CNTNAP5: variants seen among roughly 807,000 people sequenced by gnomAD.
CNTNAP5 encodes the protein contactin associated protein family member 5.
A neutral mutation model predicts 150.2 loss-of-function variants in CNTNAP5; 72 were observed. The observed-to-expected ratio is 0.48, with a 90% CI of 0.40 to 0.58. CNTNAP5 has a LOEUF of 0.58. Ranked by LOEUF, CNTNAP5 falls within the 20% of genes least tolerant of loss-of-function variation. The pLI is 0.00. For synonymous variants in CNTNAP5, 672 were observed against 619.8 expected (o/e 1.08, Z -1.25); for missense variants, 1,636 against 1,626.2 (o/e 1.01, Z -0.10).
chr2:124,045,961 A>G (rs1456176392), intron 1 of CNTNAP5, among the ~76,000 whole-genome samples: 1 of 152,126 alleles, frequency 6.6e-6, no homozygotes, highest in African/African-American at 2.4e-5. Context: ...GCATATTTGC[A>G]TTTTTCTTGG....
At chr2:124,419,009 C>T (rs1255984842) in intron 4 of CNTNAP5, among the ~76,000 whole-genome samples, 1 of 149,522 alleles carries the variant, frequency 6.7e-6, no homozygotes, top group African/African-American at 2.5e-5. Flanking sequence ...TGGCGGGCGC[C>T]TGTAGTCCCA....
intron 19 of CNTNAP5, among the ~76,000 whole-genome samples, chr2:124,844,658 T>C (rs541013694): frequency 6.6e-6 from 1 of 152,262 alleles, no homozygotes; most frequent in South Asian, 2.1e-4. Flanking sequence ...CATTTGTTTC[T>C]GTTGTCTATG....
chr2:124,070,016 G>A (rs908185347), intron 1 of CNTNAP5, among the ~76,000 whole-genome samples: 1 of 152,138 alleles, frequency 6.6e-6, no homozygotes, highest in South Asian at 2.1e-4. Context: ...GATATAAAGA[G>A]AAACAATAAA....
chr2:124,553,290 G>A (rs990624788), intron 10 of CNTNAP5, among the ~76,000 whole-genome samples: 2 of 152,138 alleles, frequency 1.3e-5, no homozygotes, highest in African/African-American at 4.8e-5. Flanking sequence ...GATCTCCTGA[G>A]GTCAGGAGTT....
At chr2:124,767,649 A>C (rs910143502) in intron 16 of CNTNAP5, among the ~76,000 whole-genome samples, 20 of 152,240 alleles carry the variant, frequency 1.3e-4, no homozygotes, top group South Asian at 8.3e-4. Flanking sequence ...GGTTGGTGAC[A>C]TCCATATGCC....
chr2:124,664,894 C>T (rs1364639231), intron 13 of CNTNAP5, among the ~76,000 whole-genome samples: 1 of 152,166 alleles, frequency 6.6e-6, no homozygotes, highest in African/African-American at 2.4e-5. Context: ...ACCATGTTGG[C>T]CAGGCTGGTC....
chr2:124,411,077 T>C (rs1304006738), intron 3 of CNTNAP5, among the ~76,000 whole-genome samples: 1 of 152,122 alleles, frequency 6.6e-6, no homozygotes, highest in East Asian at 1.9e-4. Flanking sequence ...AAATACAAAC[T>C]ACCATCAGAG....
At chr2:124,631,278 G>A (rs1677854766) in intron 12 of CNTNAP5, among the ~76,000 whole-genome samples, 1 of 151,946 alleles carries the variant, frequency 6.6e-6, no homozygotes, top group Non-Finnish European at 1.5e-5. Flanking sequence ...ACAATCCTAA[G>A]CAAAAAGAAC....
At chr2:124,849,242 C>T (rs1395013649) in intron 19 of CNTNAP5, among the ~76,000 whole-genome samples, 1 of 152,088 alleles carries the variant, frequency 6.6e-6, no homozygotes, top group African/African-American at 2.4e-5. Flanking sequence ...TCCTTTTTTA[C>T]ATTGTGTATT....
chr2:124,243,936 C>G (rs1415252601), intron 3 of CNTNAP5, among the ~76,000 whole-genome samples: 1 of 152,106 alleles, frequency 6.6e-6, no homozygotes, highest in Non-Finnish European at 1.5e-5. Flanking sequence ...AAGAAATAAG[C>G]ACACCTTCCA....
At chr2:124,896,907 TCAGA>T in intron 21 of CNTNAP5, among the ~76,000 whole-genome samples, 1 of 151,752 alleles carries the variant, frequency 6.6e-6, no homozygotes, top group Admixed American at 6.6e-5. Context: ...TTGCCTTATT[TCAGA>T]CAGAGTTAAC....
intron 13 of CNTNAP5, among the ~76,000 whole-genome samples, chr2:124,735,210 A>T (rs1056574536): frequency 1.3e-5 from 2 of 152,136 alleles, no homozygotes; most frequent in Non-Finnish European, 1.5e-5. Context: ...CAAATAAAAC[A>T]TGTCCGTAAG....
In CNTNAP5 at chr2:124,772,895, A is replaced by T; in HGVS notation, c.2630A>T (p.Tyr877Phe). ...CTTCTGAATGACAACCAATGGCACT[A>T]TGTCCGGGCTGAGAGGAACCTCAAG... ...PSLLNDNQWH[Y>F]VRAERNLKET... Residue 877 changes from tyrosine (Y) to phenylalanine (F), a missense_variant, in exon 17 of 24, where the codon TAT (tyrosine) becomes TTT (phenylalanine). Transcript: ENST00000682447. The T allele has an allele frequency of 6.2e-7, 1 of 1,613,588 alleles. No homozygotes were observed. The highest frequency in any genetic ancestry group is 8.5e-7 in the Non-Finnish European group (1 of 1,179,690).
At chr2:124,747,945 C>T (rs1680645310) in intron 14 of CNTNAP5, among the ~76,000 whole-genome samples, 2 of 151,552 alleles carry the variant, frequency 1.3e-5, no homozygotes, top group Admixed American at 1.3e-4. Context: ...CCCCCACCAG[C>T]TTCTTATATT....
intron 3 of CNTNAP5, among the ~76,000 whole-genome samples, chr2:124,304,708 A>C (rs937554623): frequency 4.6e-5 from 7 of 152,208 alleles, no homozygotes; most frequent in African/African-American, 1.2e-4. Flanking sequence ...GAACAGTGGC[A>C]TCTCTCAGTT....
chr2:124,291,448 T>C (rs1297106040), intron 3 of CNTNAP5, among the ~76,000 whole-genome samples: 1 of 151,234 alleles, frequency 6.6e-6, no homozygotes, highest in Non-Finnish European at 1.5e-5. Flanking sequence ...GTAATTATTT[T>C]TATCTATTTA....
At chr2:124,189,328 A>G (rs1209569695) in intron 1 of CNTNAP5, among the ~76,000 whole-genome samples, 2 of 152,176 alleles carry the variant, frequency 1.3e-5, no homozygotes, top group Non-Finnish European at 2.9e-5. Context: ...TCCATTTCTA[A>G]GCCTTGCTAG....
intron 1 of CNTNAP5, among the ~76,000 whole-genome samples, chr2:124,085,114 G>T (rs1039880901): frequency 5.3e-5 from 8 of 150,790 alleles, no homozygotes; most frequent in African/African-American, 1.9e-4. Flanking sequence ...TAGAGACGGG[G>T]TTTCACCATG....
intron 13 of CNTNAP5, among the ~76,000 whole-genome samples, chr2:124,738,146 G>A (rs573322495): frequency 1.3e-5 from 2 of 152,198 alleles, no homozygotes; most frequent in South Asian, 4.1e-4. Flanking sequence ...ACTATGCTGA[G>A]GTCATGAACA....
Sources: gnomAD v4.1 joint callset for allele counts (sites outside exome capture counted in the v4.1 genomes callset) on GRCh38, gnomAD v4.1.1 for gene constraint, MANE v1.5 for transcripts, NCBI Gene and HGNC (gene_info 2026-07-23, HGNC 2026-07-21) for gene names.